CYP24A1: variants seen among roughly 807,000 people sequenced by gnomAD.
The protein encoded by CYP24A1 is cytochrome P450 family 24 subfamily A member 1.
Under a neutral mutation model 62.4 loss-of-function variants are expected in CYP24A1, and 68 were observed. The observed-to-expected ratio is 1.09, with a 90% CI of 0.90 to 1.33. CYP24A1 has a LOEUF of 1.33. Ranked by LOEUF, CYP24A1 falls within the 40% of genes most tolerant of loss-of-function variation. The pLI is 0.00. For missense variants in CYP24A1, 787 were observed against 653.0 expected (o/e 1.21, Z -2.24); for synonymous variants, 267 against 253.0 (o/e 1.06, Z -0.52).
intron 4 of CYP24A1, 150 bp from the exon 5 acceptor site, chr20:54,165,983 G>A (rs1260781749): frequency 4.4e-6 from 3 of 679,554 alleles, no homozygotes; most frequent in Non-Finnish European, 5.2e-6. Flanking sequence ...TTGAGGAAAA[G>A]CAGAGTCTGA....
In CYP24A1 at chr20:54,157,586, C is replaced by G; in HGVS notation, c.1237-1G>C. On this transcript the variant is annotated splice_acceptor_variant, in intron 9 of 11. Transcript: ENST00000216862. LOFTEE classifies it high-confidence loss of function. Reference sequence around the variant, plus strand: ...CCTGGGTATTTAGCATGAGCACTGTCTAAACACATGCAGAGACACATAGTA... The same window carrying G: ...CCTGGGTATTTAGCATGAGCACTGTGTAAACACATGCAGAGACACATAGTA... The G allele has an allele frequency of 2.6e-6, 4 of 1,529,184 alleles. No individual in the cohort carries two copies. The highest frequency in any genetic ancestry group is 3.6e-6 in the Non-Finnish European group (4 of 1,103,072). 94.7% of individuals were successfully genotyped at this position (1,529,184 alleles called of 1,614,324 possible).
At chr20:54,148,571 A>C (rs944157967), downstream of CYP24A1, among the ~76,000 whole-genome samples, 10 of 152,306 alleles carry the variant, frequency 6.6e-5, no homozygotes, top group Admixed American at 6.5e-4. Context: ...GGTAAAGTAC[A>C]AGATCAGCCT....
intron 7 of CYP24A1, among the ~76,000 whole-genome samples, chr20:54,161,099 C>T (rs1329290843): frequency 1.3e-5 from 2 of 152,218 alleles, no homozygotes; most frequent in East Asian, 3.8e-4. Flanking sequence ...AATGCCTTAC[C>T]CAGGCTGGGC....
At chr20:54,149,396 C>T (rs147923363), downstream of CYP24A1, among the ~76,000 whole-genome samples, 346 of 152,296 alleles carry the variant, frequency 2.3e-3, 5 homozygotes, top group Non-Finnish European at 6.0e-4. Flanking sequence ...AGGCTGACTC[C>T]ATATTTTAGC....
chr20:54,161,239 C>T (rs765519198), intron 7 of CYP24A1, among the ~76,000 whole-genome samples: 3 of 152,236 alleles, frequency 2.0e-5, no homozygotes, highest in Non-Finnish European at 4.4e-5. Context: ...CTACCTGCAG[C>T]GCTCTTCCAC....
At chr20:54,169,449 C>T in intron 4 of CYP24A1, 143 bp downstream of exon 4, 1 of 1,523,696 alleles carries the variant, frequency 6.6e-7, no homozygotes, top group Non-Finnish European at 8.8e-7. Context: ...AACTTAAGCA[C>T]CTAAAAGAAG....
chr20:54,169,469 G>C (rs183951880), intron 4 of CYP24A1, 123 bp downstream of exon 4: 189 of 1,552,828 alleles, frequency 1.2e-4, no homozygotes, highest in Middle Eastern at 6.7e-4. Flanking sequence ...GCATTAAAAG[G>C]GCTGCTCTGG....
chr20:54,171,273 A>G (rs1168456365), intron 3 of CYP24A1, among the ~76,000 whole-genome samples: 2 of 152,196 alleles, frequency 1.3e-5, no homozygotes, highest in African/African-American at 2.4e-5. Flanking sequence ...AGTGGTATAT[A>G]GCCAGGTCTC....
intron 8 of CYP24A1, 58 bp from the exon 9 acceptor site, chr20:54,158,222 G>A: frequency 6.2e-7 from 1 of 1,607,980 alleles, no homozygotes; most frequent in African/African-American, 1.3e-5. Flanking sequence ...TCTCTGAAGT[G>A]TCAATGGGAA....
intron 4 of CYP24A1, among the ~76,000 whole-genome samples, chr20:54,167,511 C>T (rs904727974): frequency 6.6e-6 from 1 of 152,148 alleles, no homozygotes; most frequent in Non-Finnish European, 1.5e-5. Context: ...GTATCGCACG[C>T]CTGCAATACC....
At chr20:54,158,434 A>G (rs1431858594) in intron 8 of CYP24A1, among the ~76,000 whole-genome samples, 1 of 152,130 alleles carries the variant, frequency 6.6e-6, no homozygotes, top group Non-Finnish European at 1.5e-5. Context: ...CCAGACTAAA[A>G]TGTGTATGTT....
chr20:54,144,995 G>C, the CYP24A1 span, among the ~76,000 whole-genome samples: 1 of 143,644 alleles, frequency 7.0e-6, no homozygotes, highest in Non-Finnish European at 1.5e-5. Flanking sequence ...TAAGAAGTTT[G>C]ATATTGACCC....
chr20:54,173,898 C>A lies in CYP24A1; in HGVS notation c.-319G>T, dbSNP rs2092704482. 4.4e-6 allele frequency: 2 copies of A among 457,638 alleles called. No homozygotes were observed. The highest frequency in any genetic ancestry group is 8.0e-6 in the Non-Finnish European group (2 of 251,296). 28.3% of individuals were successfully genotyped at this position (457,638 alleles called of 1,614,324 possible). A position where few individuals can be genotyped will look rare whatever the true frequency, so the allele number is the denominator to read the frequency against. On this transcript the variant is annotated 5_prime_UTR_variant, in exon 1 of 12. Coordinates refer to ENST00000216862, the MANE Select transcript of CYP24A1 (RefSeq NM_000782.5). This position sits in a 1 kb window ranked among gnomAD's most constrained non-coding sequence, Gnocchi z 7.2. ...TCCTCCTGTTGGTCCGCAAGGCTGA[C>A]CTCTAGGGTCTGGCTGGAGCCACGG...
chr20:54,148,377 C>G, the CYP24A1 span, among the ~76,000 whole-genome samples: 140 of 145,006 alleles, frequency 9.7e-4, no homozygotes, highest in African/African-American at 3.5e-3. Context: ...CAGACACACA[C>G]ACACACACAC....
At position 54,157,513 on chromosome 20, in the gene CYP24A1, G is replaced by T. The variant is rs756352728; in HGVS notation, c.1309C>A (p.Pro437Thr). 1 of 1,600,034 alleles carries T rather than the reference G, an allele frequency of 6.2e-7. No individual in the cohort carries two copies. The change falls in exon 10 of 12, where the codon CCT becomes ACT. Residue 437 changes from proline (P) to threonine (T), a missense_variant. Coordinates refer to ENST00000216862, the MANE Select transcript of CYP24A1 (RefSeq NM_000782.5). ...DNFEDSSQFR[P>T]ERWLQEKEKI... ...TCCTTCTCCTGAAGCCAACGTTCAG[G>T]TCTAAACTGACTTGAATCTTCAAAA...
chr20:54,149,784 C>G (rs983663029), downstream of CYP24A1, among the ~76,000 whole-genome samples: 20 of 152,326 alleles, frequency 1.3e-4, no homozygotes, highest in Middle Eastern at 3.4e-3. Flanking sequence ...AACACCCTCA[C>G]TCAATGAGAA....
At chr20:54,144,092 C>A in the CYP24A1 span, among the ~76,000 whole-genome samples, 1 of 152,176 alleles carries the variant, frequency 6.6e-6, no homozygotes, top group South Asian at 2.1e-4. Flanking sequence ...TCGGTGGGGA[C>A]CTGAGCTGGG....
chr20:54,150,695 G>C (rs554690887), downstream of CYP24A1, among the ~76,000 whole-genome samples: 1 of 152,332 alleles, frequency 6.6e-6, no homozygotes, highest in South Asian at 2.1e-4. Flanking sequence ...TTTCCCAACT[G>C]TGTGACATGG....
At chr20:54,148,379 C>T in the CYP24A1 span, among the ~76,000 whole-genome samples, 17 of 149,818 alleles carry the variant, frequency 1.1e-4, no homozygotes, top group Non-Finnish European at 1.6e-4. Flanking sequence ...GACACACACA[C>T]ACACACACAC....
Sources: allele counts gnomAD v4.1 joint callset (sites outside exome capture counted in the v4.1 genomes callset), GRCh38; gene constraint gnomAD v4.1.1; non-coding constraint Gnocchi (gnomAD v3.1); transcripts MANE v1.5; gene names NCBI Gene and HGNC (gene_info 2026-07-23, HGNC 2026-07-21).